SFPQ: variants seen among roughly 807,000 people sequenced by gnomAD.
The protein encoded by SFPQ is splicing factor proline and glutamine rich, also known as splicing factor, proline- and glutamine-rich.
SFPQ carries 11 observed loss-of-function variants against 72.9 expected under a neutral mutation model. The ratio of observed to expected loss-of-function variants is 0.15; its 90% CI spans 0.09 to 0.25. The LOEUF is 0.25. Ranked by LOEUF, SFPQ falls within the 10% of genes least tolerant of loss-of-function variation. The probability of loss-of-function intolerance (pLI) is 1.00; values close to 1 mark genes in which losing one functional copy is unlikely to be tolerated. For synonymous variants in SFPQ, 506 were observed against 367.3 expected, an observed-to-expected ratio of 1.38 and a Z score of -4.32; for missense variants, 847 against 993.3, an observed-to-expected ratio of 0.85 and a Z score of 1.98.
Position 35,183,533 on chromosome 1 carries a change from T to C in SFPQ, c.*923A>G, listed in dbSNP as rs1474078804. 2.0e-6 allele frequency: 2 copies of C among 1,014,998 alleles called. No individual in the cohort carries two copies. The highest frequency in any genetic ancestry group is 6.8e-5 in the East Asian group (1 of 14,774). The allele number at this position is 1,014,998 out of a possible 1,614,324, so 62.9% of individuals were successfully genotyped here. A position where few individuals can be genotyped will look rare whatever the true frequency, so the allele number is the denominator to read the frequency against. ...CGCCCGGCCCAGTTACTAAACCTTC[T>C]TACTTTCAAGTTTTGTTTTTTAGAC... On this transcript the variant is annotated 3_prime_UTR_variant, in exon 10 of 10. Coordinates refer to ENST00000357214, the MANE Select transcript of SFPQ (RefSeq NM_005066.3).
chr1:35,192,925 T>G lies in SFPQ; in HGVS notation c.125A>C (p.Gln42Pro). 3.2e-6 allele frequency: 5 copies of G among 1,584,822 alleles called. No individual in the cohort carries two copies. The highest frequency in any genetic ancestry group is 4.3e-6 in the Non-Finnish European group (5 of 1,173,774). Residue 42 changes from glutamine (Q) to proline (P), a missense_variant, in exon 1 of 10, where the codon CAG becomes CCG. Transcript: ENST00000357214. ...GCCAGGACCCATGGGGCCGCGATTCTGATTGAGGCCCATGCCGGGCGGCGG... is the reference window on the plus strand; with the variant it reads ...GCCAGGACCCATGGGGCCGCGATTCGGATTGAGGCCCATGCCGGGCGGCGG... ...RSPPPGMGLN[Q>P]NRGPMGPGPG...
downstream of SFPQ, chr1:35,178,055 A>G (rs1257834127): frequency 1.6e-6 from 2 of 1,282,032 alleles, no homozygotes; most frequent in Non-Finnish European, 2.0e-6. Flanking sequence ...TAATAAGAAA[A>G]AGTTAATATA....
chr1:35,178,553 C>T (rs140283889), downstream of SFPQ: 68 of 1,060,128 alleles, frequency 6.4e-5, no homozygotes, highest in East Asian at 1.5e-4. Context: ...TTTGTATTTA[C>T]CTCATTCTTT....
intron 4 of SFPQ, among the ~76,000 whole-genome samples, chr1:35,189,971 AC>A (rs1407744909): frequency 4.0e-5 from 6 of 151,706 alleles, no homozygotes; most frequent in African/African-American, 9.7e-5. Context: ...ACAAAAAAAA[AC>A]GTACTTCAGC....
chr1:35,186,869 T>C (rs1639744942), intron 9 of SFPQ, 132 bp downstream of exon 9: 1 of 793,006 alleles, frequency 1.3e-6, no homozygotes. Flanking sequence ...TACATATTTA[T>C]GTATGAAATT....
chr1:35,189,470 A>C (rs1350560601), intron 4 of SFPQ, 88 bp from the exon 5 acceptor site: 1 of 1,118,292 alleles, frequency 8.9e-7, no homozygotes, highest in African/African-American at 1.6e-5. Flanking sequence ...TTCCTGTTCT[A>C]TTTCTTGTAA....
rs76077726 is a variant in SFPQ, at chr1:35,192,891, C to G, written c.159G>C (p.Gln53His). ...GCGGGATCGGAGGCTTAGGGCCGCT[C>G]TGGCCCGGGCCAGGACCCATGGGGC... ...NRGPMGPGPG[Q>H]SGPKPPIPPP... Residue 53 changes from glutamine (Q) to histidine (H), a missense_variant, in exon 1 of 10, where the codon CAG (glutamine) becomes CAC (histidine). Coordinates refer to ENST00000357214, the MANE Select transcript of SFPQ (RefSeq NM_005066.3). 1 of 1,550,720 alleles carries G rather than the reference C, an allele frequency of 6.4e-7. No homozygotes were observed. The highest frequency in any genetic ancestry group is 1.4e-5 in the African/African-American group (1 of 70,974).
At chr1:35,182,353 A>C, downstream of SFPQ, 1 of 985,426 alleles carries the variant, frequency 1.0e-6, no homozygotes, top group East Asian at 1.1e-4. Context: ...CTGTTTGGGG[A>C]CAAAACTTCC....
Position 35,183,913 on chromosome 1 carries a change from C to G in SFPQ, c.*543G>C. 9.5e-7 allele frequency: 1 copy of G among 1,050,784 alleles called. No individual in the cohort carries two copies. The highest frequency in any genetic ancestry group is 1.1e-6 in the Non-Finnish European group (1 of 869,980). 65.1% of individuals were successfully genotyped at this position (1,050,784 alleles called of 1,614,324 possible). Reference sequence around the variant, plus strand: ...TAGCACCAGCGTGCTTCCTATATGCCAAACAAATCATCAAACTACTTCAAT... The same window carrying G: ...TAGCACCAGCGTGCTTCCTATATGCGAAACAAATCATCAAACTACTTCAAT... On this transcript the variant is annotated 3_prime_UTR_variant, in exon 10 of 10. Coordinates refer to ENST00000357214, the MANE Select transcript of SFPQ (RefSeq NM_005066.3).
At chr1:35,190,618 T>C (rs778151487) in intron 3 of SFPQ, 25 bp from the exon 4 acceptor site, 1 of 1,609,398 alleles carries the variant, frequency 6.2e-7, no homozygotes. Flanking sequence ...GGTTCCATCT[T>C]AGCTTTGTTC....
At chr1:35,178,034 T>TTA, downstream of SFPQ, 1 of 1,291,500 alleles carries the variant, frequency 7.7e-7, no homozygotes, top group South Asian at 1.3e-5. Flanking sequence ...CAATCATTCT[T>TTA]ACCTAAAGAA....
At chr1:35,185,702 T>C (rs1387918213) in intron 9 of SFPQ, among the ~76,000 whole-genome samples, 1 of 152,184 alleles carries the variant, frequency 6.6e-6, no homozygotes, top group African/African-American at 2.4e-5. Context: ...TTAAACAAAA[T>C]ACTATTGAGC....
chr1:35,179,518 C>CA, downstream of SFPQ: 1 of 1,054,848 alleles, frequency 9.5e-7, no homozygotes, highest in Non-Finnish European at 1.1e-6. Flanking sequence ...ACAATGCAAG[C>CA]ACCTCGGTAT....
At chr1:35,179,033 C>A (rs1639361909), downstream of SFPQ, 9 of 1,058,794 alleles carry the variant, frequency 8.5e-6, no homozygotes, top group African/African-American at 1.6e-5. Flanking sequence ...TGATTAGGAG[C>A]AGTCAAATCC....
rs960285331 is a variant in SFPQ at position 35,183,192 on chromosome 1, G to GTA, written c.*1262_*1263dup. The GTA allele has an allele frequency of 4.0e-6, 4 of 1,009,318 alleles. No homozygotes were observed. The highest frequency in any genetic ancestry group is 4.8e-6 in the Non-Finnish European group (4 of 841,440). 62.5% of individuals were successfully genotyped at this position (1,009,318 alleles called of 1,614,324 possible). On this transcript the variant is annotated 3_prime_UTR_variant, in exon 10 of 10. Coordinates refer to ENST00000357214, the MANE Select transcript of SFPQ (RefSeq NM_005066.3). ...GATGTAAAAGTTACAGAGTACAAAT[G>GTA]TATATATAACTAAACCTACTTCAGT...
In SFPQ at chr1:35,187,156, A is replaced by G. The variant is rs201299583; in HGVS notation, c.1865-34T>C. ...CAAAAATAGTGGTTACAACTCCACCAGGATACTACTCTCTACTTATATCAT... is the reference window on the plus strand; with the variant it reads ...CAAAAATAGTGGTTACAACTCCACCGGGATACTACTCTCTACTTATATCAT... On this transcript the variant is annotated intron_variant, in intron 8 of 9. Coordinates refer to ENST00000357214, the MANE Select transcript of SFPQ (RefSeq NM_005066.3). 4.8e-5 allele frequency: 78 copies of G among 1,614,092 alleles called. No individual in the cohort carries two copies. In the East Asian group the frequency reaches 1.6e-3, roughly 34 times the overall value.
chr1:35,188,262 T>C (rs76909355), intron 6 of SFPQ, among the ~76,000 whole-genome samples, 172 bp from the exon 7 acceptor site: 33 of 152,366 alleles, frequency 2.2e-4, no homozygotes, highest in East Asian at 1.7e-3. Context: ...ATGTAGGCTT[T>C]ATTAAGGATA....
At position 35,187,183 on chromosome 1, in the gene SFPQ, AATTT is replaced by A. The variant is rs1271719661; in HGVS notation, c.1864+16_1864+19del. On this transcript the variant is annotated intron_variant, in intron 8 of 9. Coordinates refer to ENST00000357214, the MANE Select transcript of SFPQ (RefSeq NM_005066.3). Reference sequence around the variant, plus strand: ...GATACTACTCTCTACTTATATCATTAATTTAAATTTCACACTTACCTCCCATGTT... The same window carrying A: ...GATACTACTCTCTACTTATATCATTAAAATTTCACACTTACCTCCCATGTT... 3.7e-6 allele frequency: 6 copies of A among 1,613,902 alleles called. No individual in the cohort carries two copies. Among genetic ancestry groups the A allele is most frequent in the Non-Finnish European group, 5.1e-6 (6 of 1,179,952 alleles).
At chr1:35,176,401 T>C (rs1639238786) in exon 6 of SFPQ, 1 of 152,106 alleles carries the variant, frequency 6.6e-6, no homozygotes, top group South Asian at 2.1e-4. Flanking sequence ...ATGCCTTTAT[T>C]AACGAGAATG....
Sources: gnomAD v4.1 joint callset for allele counts (sites outside exome capture counted in the v4.1 genomes callset) on GRCh38, gnomAD v4.1.1 for gene constraint, MANE v1.5 for transcripts, NCBI Gene and HGNC (gene_info 2026-07-23, HGNC 2026-07-21) for gene names.